The following GPR107 variants were observed in gnomAD, a reference collection of about 807,000 sequenced individuals.
GPR107 encodes the protein G protein-coupled receptor 107.
GPR107 carries 31 observed loss-of-function variants against 75.5 expected under a neutral mutation model. The observed-to-expected ratio is 0.41, with a 90% CI of 0.31 to 0.55. GPR107 has a LOEUF of 0.55. Among genes scored for constraint, GPR107 ranks in the 20% least tolerant of loss-of-function variants. The probability of loss-of-function intolerance (pLI) is 0.26; values close to 1 mark genes in which losing one functional copy is unlikely to be tolerated. For missense variants in GPR107, 572 were observed against 665.7 expected, an observed-to-expected ratio of 0.86 and a Z score of 1.55; for synonymous variants, 267 against 251.3, an observed-to-expected ratio of 1.06 and a Z score of -0.59.
intron 12 of GPR107, among the ~76,000 whole-genome samples, chr9:130,102,033 A>G (rs10118013): frequency 0.32 from 47,975 of 152,038 alleles, 7,765 homozygotes; most frequent in Non-Finnish European, 0.38. Context: ...AATGAGGAAC[A>G]TGTGTTGACA....
chr9:130,084,789 A>T (rs1040925806), intron 6 of GPR107, among the ~76,000 whole-genome samples: 2 of 151,412 alleles, frequency 1.3e-5, no homozygotes, highest in African/African-American at 2.4e-5. Context: ...AAAAAAAAAA[A>T]GGAAAAGAAA....
intron 1 of GPR107, among the ~76,000 whole-genome samples, chr9:130,069,418 G>A (rs1407235118): frequency 6.6e-6 from 1 of 152,204 alleles, no homozygotes; most frequent in East Asian, 1.9e-4. Context: ...TAATGGAAAT[G>A]ATAGGGTGGA....
chr9:130,078,958 C>T (rs1830424003), intron 4 of GPR107, among the ~76,000 whole-genome samples: 1 of 152,090 alleles, frequency 6.6e-6, no homozygotes, highest in Admixed American at 6.6e-5. Flanking sequence ...CTGGATTTCA[C>T]TTGCTTTCTT....
rs150413267 is a variant in GPR107 at position 130,135,086 on chromosome 9, G to A, written c.1624G>A (p.Val542Met). The A allele has an allele frequency of 2.5e-5, 41 of 1,609,630 alleles. No individual in the cohort carries two copies. The highest frequency in any genetic ancestry group is 2.3e-4 in the African/African-American group (17 of 74,866). Reference sequence around the variant, plus strand: ...AGTCAAGAAGGTGACCAACGGCTCCGTGGAGCCCCAGGGCGAGTGGGAAGG... The same window carrying A: ...AGTCAAGAAGGTGACCAACGGCTCCATGGAGCCCCAGGGCGAGTGGGAAGG... ...KKVKKVTNGSVEPQGEWEGAV is the reference protein window; with the variant it reads ...KKVKKVTNGSMEPQGEWEGAV Residue 542 changes from valine (V) to methionine (M), a missense_variant, in exon 18 of 18, where the codon GTG (valine) becomes ATG (methionine). Transcript: ENST00000347136.
chr9:130,056,176 G>C (rs1829782078), intron 1 of GPR107, among the ~76,000 whole-genome samples: 1 of 152,050 alleles, frequency 6.6e-6, no homozygotes, highest in Admixed American at 6.6e-5. Flanking sequence ...ACTTGGCCGG[G>C]CACGGTGGCT....
chr9:130,123,516 CTTTCTTTTCTTTTCTTT>C (rs1214541384), intron 14 of GPR107, among the ~76,000 whole-genome samples: 1 of 75,204 alleles, frequency 1.3e-5, no homozygotes, highest in Non-Finnish European at 2.6e-5. Context: ...TCTTTTTTTT[CTTTCTTTTCTTTTCTTT>C]TTTTTTTTTT....
In GPR107 at chr9:130,097,713, T is replaced by G. The variant is rs1396885090; in HGVS notation, c.864-1744T>G. 3.3e-5 allele frequency among the ~76,000 whole-genome samples: 5 copies of G among 151,222 alleles called. No individual in the cohort carries two copies. The East Asian group carries it at 5.8e-4, about 18-fold the overall frequency. On this transcript the variant is annotated intron_variant, in intron 9 of 17. Coordinates refer to ENST00000347136, the MANE Select transcript of GPR107 (RefSeq NM_020960.5). ...GTGGCTGCCTGTATTCTTTGGGTTT[T>G]TTTTTTTTTTTTTGAGACAGGGTCT...
At chr9:130,097,682 C>A (rs966737784) in intron 9 of GPR107, among the ~76,000 whole-genome samples, 2 of 151,184 alleles carry the variant, frequency 1.3e-5, no homozygotes, top group East Asian at 3.9e-4. Flanking sequence ...AACCATTTCC[C>A]CTCTTGTGGC....
chr9:130,119,009 G>A (rs920159794), intron 14 of GPR107, among the ~76,000 whole-genome samples: 5 of 152,324 alleles, frequency 3.3e-5, no homozygotes, highest in Admixed American at 6.5e-5. Context: ...GAAATAGCCC[G>A]CCCAGCCTTG....
Position 130,112,276 on chromosome 9 carries a change from G to C in GPR107, c.1306+4737G>C, listed in dbSNP as rs151202698. ...AGGAACGGCTTCATTCCGAGGTGCC[G>C]CCGTGCTCTGAAAGGAGCCGCGACC... On this transcript the variant is annotated intron_variant, in intron 14 of 17. Transcript: ENST00000347136. The surrounding 1 kb of genome is among the most constrained non-coding windows in gnomAD (Gnocchi z 4.0). Among the ~76,000 whole-genome samples the C allele has an allele frequency of 6.6e-6, 1 of 152,202 alleles. No homozygotes were observed. The highest frequency in any genetic ancestry group is 1.5e-5 in the Non-Finnish European group (1 of 68,036).
At chr9:130,081,504 T>C (rs1288753949) in intron 5 of GPR107, among the ~76,000 whole-genome samples, 1 of 151,322 alleles carries the variant, frequency 6.6e-6, no homozygotes, top group Non-Finnish European at 1.5e-5. Context: ...AAACCCCGTC[T>C]CTACTAAAAA....
chr9:130,128,693 C>T lies in GPR107; in HGVS notation c.1494C>T (p.Phe498=). ...LVFFVLTGYK[F]RPASDNPYLQ... Reference sequence around the variant, plus strand: ...TCTTTGTTCTAACGGGGTATAAATTCCGTCCGGCTTCAGATAACCCCTACC... The same window carrying T: ...TCTTTGTTCTAACGGGGTATAAATTTCGTCCGGCTTCAGATAACCCCTACC... The change falls in exon 17 of 18, where the codon TTC becomes TTT. Residue 498 remains phenylalanine (F), a synonymous_variant. Transcript: ENST00000347136. The T allele has an allele frequency of 1.2e-6, 2 of 1,610,252 alleles. No homozygotes were observed. Among genetic ancestry groups the T allele is most frequent in the South Asian group, 1.1e-5 (1 of 90,992 alleles).
At chr9:130,056,971 T>G (rs549007429) in intron 1 of GPR107, among the ~76,000 whole-genome samples, 80 of 146,224 alleles carry the variant, frequency 5.5e-4, no homozygotes, top group African/African-American at 1.9e-3. Context: ...CAAATTTGTG[T>G]TGGGCCGCAT....
chr9:130,097,970 C>T (rs1830919486), intron 9 of GPR107, among the ~76,000 whole-genome samples: 1 of 152,206 alleles, frequency 6.6e-6, no homozygotes, highest in African/African-American at 2.4e-5. Context: ...CAGCCTTTGC[C>T]TCCTGGGCTC....
rs144469160 is a variant in GPR107 at position 130,097,745 on chromosome 9, G to A, written c.864-1712G>A. Among the ~76,000 whole-genome samples the A allele has an allele frequency of 3.9e-3, 560 of 144,584 alleles. 17 individuals carry two copies. Among genetic ancestry groups the A allele is most frequent in the Admixed American group, 0.032 (460 of 14,196 alleles). 94.9% of individuals were successfully genotyped at this position (144,584 alleles called of 152,430 possible). ...TTTTTTTGAGACAGGGTCTCACTAA[G>A]TTGTCCAGGCTGGAGCAGTGGCGTA... On this transcript the variant is annotated intron_variant, in intron 9 of 17. Coordinates refer to ENST00000347136, the MANE Select transcript of GPR107 (RefSeq NM_020960.5).
chr9:130,098,786 T>C (rs1830942795), intron 9 of GPR107, among the ~76,000 whole-genome samples: 2 of 152,102 alleles, frequency 1.3e-5, no homozygotes, highest in Admixed American at 1.3e-4. Context: ...GGCGGGTGGA[T>C]TACTTGAAGT....
At chr9:130,104,862 G>T (rs1452429388) in intron 13 of GPR107, among the ~76,000 whole-genome samples, 1 of 152,174 alleles carries the variant, frequency 6.6e-6, no homozygotes, top group Non-Finnish European at 1.5e-5. Context: ...TTGTGGTGGT[G>T]GTAGGGAGTT....
intron 1 of GPR107, among the ~76,000 whole-genome samples, chr9:130,061,035 A>G (rs1829914844): frequency 6.6e-6 from 1 of 152,208 alleles, no homozygotes; most frequent in African/African-American, 2.4e-5. Context: ...ATATACATTC[A>G]TTGACTTAAA....
intron 14 of GPR107, among the ~76,000 whole-genome samples, chr9:130,111,318 A>G (rs1288593238): frequency 6.6e-6 from 1 of 151,948 alleles, no homozygotes; most frequent in South Asian, 2.1e-4. Context: ...AAACCACACA[A>G]AAAACTGTGG....
Sources: allele counts gnomAD v4.1 joint callset (sites outside exome capture counted in the v4.1 genomes callset), GRCh38; gene constraint gnomAD v4.1.1; non-coding constraint Gnocchi (gnomAD v3.1); transcripts MANE v1.5; gene names NCBI Gene and HGNC (gene_info 2026-07-23, HGNC 2026-07-21).